Variants in MORC3 observed in about 807,000 individuals in gnomAD.
The protein encoded by MORC3 is MORC family CW-type zinc finger protein 3.
MORC3 carries 31 observed loss-of-function variants against 109.1 expected under a neutral mutation model. That is an observed-to-expected ratio of 0.28 (90% CI 0.21 to 0.38). MORC3 has a LOEUF of 0.38. Ranked by LOEUF, MORC3 falls within the 10% of genes least tolerant of loss-of-function variation. The pLI is 1.00. For missense variants in MORC3, 867 were observed against 1,135.8 expected (o/e 0.76, Z 3.40); for synonymous variants, 395 against 380.7 (o/e 1.04, Z -0.44).
chr21:36,362,972 C>G (rs1257848166), intron 13 of MORC3, among the ~76,000 whole-genome samples: 1 of 152,200 alleles, frequency 6.6e-6, no homozygotes, highest in East Asian at 1.9e-4. Context: ...TATTTTAGTG[C>G]TAACCGGGAC....
chr21:36,329,300 CAA>C (rs777499520), intron 1 of MORC3, among the ~76,000 whole-genome samples: 2 of 129,694 alleles, frequency 1.5e-5, no homozygotes. Flanking sequence ...ATCTCAAAAA[CAA>C]AAAAAAAAAA....
intron 5 of MORC3, among the ~76,000 whole-genome samples, chr21:36,341,187 C>T (rs915790712): frequency 6.6e-6 from 1 of 152,112 alleles, no homozygotes; most frequent in Non-Finnish European, 1.5e-5. Context: ...TGAGTGTTTT[C>T]CTACCAGCAG....
chr21:36,324,989 G>A (rs1160122461), intron 1 of MORC3, among the ~76,000 whole-genome samples: 1 of 152,104 alleles, frequency 6.6e-6, no homozygotes, highest in Non-Finnish European at 1.5e-5. Flanking sequence ...GATTACAGGC[G>A]TGAGCCACCG....
rs2085174448 is a variant in MORC3, at chr21:36,320,262, A to G, written c.-3A>G. On this transcript the variant is annotated 5_prime_UTR_variant, in exon 1 of 17. Coordinates refer to ENST00000400485, the MANE Select transcript of MORC3 (RefSeq NM_015358.3). Reference sequence around the variant, plus strand: ...CCGTTCCTGGCTTTGTAGCTCGCTCAAGATGGCGGCGCAGCCACCCCGCGG... The same window carrying G: ...CCGTTCCTGGCTTTGTAGCTCGCTCGAGATGGCGGCGCAGCCACCCCGCGG... 1.9e-6 allele frequency: 3 copies of G among 1,580,880 alleles called. No individual in the cohort carries two copies. Among genetic ancestry groups the G allele is most frequent in the African/African-American group, 2.7e-5 (2 of 73,784 alleles).
In MORC3 at chr21:36,375,292, C is replaced by G; in HGVS notation, c.2816C>G (p.Thr939Ser). The change falls in exon 17 of 17, where the codon ACT becomes AGT. Residue 939 changes from threonine (T) to serine (S), a missense_variant. Around this residue, in one of 7 missense-constraint regions of MORC3, gnomAD observed 34 missense variants for 35.2 expected, o/e 0.97. Transcript: ENST00000400485. The stretch of plus-strand genomic sequence containing the variant: ...GAACAAATGAGTGAAATCAGTAGTA[C>G]TTAAAGTATATGTTATGTAAGATAA... ...VVEQMSEISS[T>S] The G allele has an allele frequency of 6.2e-7, 1 of 1,609,456 alleles. No homozygotes were observed. The highest frequency in any genetic ancestry group is 8.5e-7 in the Non-Finnish European group (1 of 1,176,778).
chr21:36,352,597 C>G (rs554935348), intron 9 of MORC3, among the ~76,000 whole-genome samples: 1 of 152,200 alleles, frequency 6.6e-6, no homozygotes, highest in Non-Finnish European at 1.5e-5. Context: ...CTTTGGGTAT[C>G]ATGTTGGCAC....
At position 36,375,004 on chromosome 21, in the gene MORC3, C is replaced by G. The variant is rs1007667757; in HGVS notation, c.2667-139C>G. 3.7e-6 allele frequency: 3 copies of G among 800,184 alleles called. No individual in the cohort carries two copies. In the South Asian group the frequency reaches 6.2e-5, roughly 17 times the overall value. 49.6% of individuals were successfully genotyped at this position (800,184 alleles called of 1,614,324 possible). The stretch of plus-strand genomic sequence containing the variant: ...GAATTATTAAAGTAAATTGAGTTCT[C>G]TAGGGGAGGTTTTGCTTTTCCTTTT... On this transcript the variant is annotated intron_variant, in intron 16 of 16. Transcript: ENST00000400485.
chr21:36,348,011 G>T lies in MORC3; in HGVS notation c.1006-1300G>T, dbSNP rs185769594. 2.0e-5 allele frequency: 3 copies of T among 152,274 alleles called. No homozygotes were observed. In the East Asian group the frequency reaches 5.8e-4, roughly 29 times the overall value. 9.4% of individuals were successfully genotyped at this position (152,274 alleles called of 1,614,324 possible). A position where few individuals can be genotyped will look rare whatever the true frequency, so the allele number is the denominator to read the frequency against. ...TAATAGAGCAGAATTAGGATTAGTT[G>T]TATGGTTTGGTCTATAGTTGGGTTT... On this transcript the variant is annotated intron_variant, in intron 8 of 16. Coordinates refer to ENST00000400485, the MANE Select transcript of MORC3 (RefSeq NM_015358.3).
At chr21:36,371,411 C>A (rs1329457241) in intron 15 of MORC3, among the ~76,000 whole-genome samples, 1 of 144,144 alleles carries the variant, frequency 6.9e-6, no homozygotes, top group African/African-American at 2.6e-5. Flanking sequence ...TTAATTACAG[C>A]CAACCTCCCA....
intron 1 of MORC3, among the ~76,000 whole-genome samples, chr21:36,323,305 T>G (rs1156282980): frequency 6.6e-6 from 1 of 152,204 alleles, no homozygotes; most frequent in African/African-American, 2.4e-5. Flanking sequence ...CATAACCAGA[T>G]GTATGTCCTT....
rs560437733 is a variant in MORC3 at position 36,369,864 on chromosome 21, G to C, written c.2496G>C (p.Gln832His). The C allele has an allele frequency of 6.2e-7, 1 of 1,611,278 alleles. No homozygotes were observed. Among genetic ancestry groups the C allele is most frequent in the African/African-American group, 1.3e-5 (1 of 75,044 alleles). The change falls in exon 15 of 17, where the codon CAG becomes CAC. Residue 832 changes from glutamine to histidine, a missense_variant. Gln to His is a conservative substitution (Grantham distance 24, BLOSUM62 0). This residue lies in a region of MORC3 where 486 missense variants were observed against 502.1 expected (regional missense o/e 0.97). Transcript: ENST00000400485. Reference sequence around the variant, plus strand: ...ACAAATGCAGTATTGAGAGGGACCAGTATAAAAGTGAGGTGAGTTATATCA... The same window carrying C: ...ACAAATGCAGTATTGAGAGGGACCACTATAAAAGTGAGGTGAGTTATATCA... ...QLDKCSIERD[Q>H]YKSEVELLEM... is the part of the protein sequence containing the mutation.
At chr21:36,354,032 T>C (rs907031371) in intron 9 of MORC3, among the ~76,000 whole-genome samples, 2 of 150,944 alleles carry the variant, frequency 1.3e-5, no homozygotes, top group East Asian at 2.0e-4. Flanking sequence ...AGTCACGCCA[T>C]TGCACCCTAG....
intron 1 of MORC3, among the ~76,000 whole-genome samples, chr21:36,321,684 C>G (rs549766160): frequency 2.0e-5 from 3 of 152,068 alleles, no homozygotes; most frequent in African/African-American, 7.2e-5. Context: ...TCTATTCTCT[C>G]TCCCTCCCTT....
At chr21:36,336,211 G>A (rs1601515855) in intron 2 of MORC3, among the ~76,000 whole-genome samples, 1 of 150,466 alleles carries the variant, frequency 6.6e-6, no homozygotes, top group African/African-American at 2.5e-5. Flanking sequence ...GATTACAGGC[G>A]TAAGTCACCA....
In MORC3 at chr21:36,333,559, G is replaced by A. The variant is rs2085338762; in HGVS notation, c.40-87G>A. 1.3e-5 allele frequency: 14 copies of A among 1,081,498 alleles called. No individual in the cohort carries two copies. In the South Asian group the frequency reaches 1.8e-4, roughly 14 times the overall value. The allele number at this position is 1,081,498 out of a possible 1,614,324, so 67.0% of individuals were successfully genotyped here. A position where few individuals can be genotyped will look rare whatever the true frequency, so the allele number is the denominator to read the frequency against. On this transcript the variant is annotated intron_variant, in intron 1 of 16. Coordinates refer to ENST00000400485, the MANE Select transcript of MORC3 (RefSeq NM_015358.3). ...TAAGTCACTTTTGTTTGGTCTCAAT[G>A]TTGTTTAACACAGGGATAAAAATAC...
intron 1 of MORC3, among the ~76,000 whole-genome samples, chr21:36,327,494 A>G (rs1385196149): frequency 6.6e-6 from 1 of 151,276 alleles, no homozygotes; most frequent in Non-Finnish European, 1.5e-5. Context: ...CTTCCATAAA[A>G]TACAGTAAGT....
At chr21:36,332,175 C>T (rs543627759) in intron 1 of MORC3, among the ~76,000 whole-genome samples, 46 of 152,176 alleles carry the variant, frequency 3.0e-4, no homozygotes, top group African/African-American at 1.0e-3. Flanking sequence ...TGGCTTACAC[C>T]TGTAATCCCA....
chr21:36,324,231 C>T (rs993179990), intron 1 of MORC3, among the ~76,000 whole-genome samples: 1 of 151,488 alleles, frequency 6.6e-6, no homozygotes, highest in African/African-American at 2.4e-5. Context: ...TTTTTGAATT[C>T]TCCCTGGACA....
chr21:36,324,063 T>C (rs954341655), intron 1 of MORC3, among the ~76,000 whole-genome samples: 6 of 151,448 alleles, frequency 4.0e-5, no homozygotes, highest in African/African-American at 1.5e-4. Flanking sequence ...TTAGTAGAGA[T>C]GGGGTTTCTC....
Sources: allele counts gnomAD v4.1 joint callset (sites outside exome capture counted in the v4.1 genomes callset), GRCh38; gene constraint gnomAD v4.1.1; regional missense constraint gnomAD v4.1.1; transcripts MANE v1.5; gene names NCBI Gene and HGNC (gene_info 2026-07-23, HGNC 2026-07-21).